Variants in BNC2 observed in about 807,000 individuals in gnomAD.
BNC2 encodes basonuclin zinc finger protein 2, also known as zinc finger protein basonuclin-2.
BNC2 carries 20 observed loss-of-function variants against 76.3 expected under a neutral mutation model. The ratio of observed to expected loss-of-function variants is 0.26; its 90% CI spans 0.18 to 0.38. The LOEUF (loss-of-function observed/expected upper bound fraction) is 0.38. Among genes scored for constraint, BNC2 ranks in the 10% least tolerant of loss-of-function variants. BNC2 has a pLI of 1.00. For synonymous variants in BNC2, 582 were observed against 514.8 expected (o/e 1.13, Z -1.77); for missense variants, 1,382 against 1,399.8 (o/e 0.99, Z 0.20).
At chr9:16,494,563 A>G (rs1822346210) in intron 5 of BNC2, among the ~76,000 whole-genome samples, 1 of 152,176 alleles carries the variant, frequency 6.6e-6, no homozygotes, top group Non-Finnish European at 1.5e-5. Context: ...AGTCATTGAG[A>G]TGAGTTCTGA....
chr9:16,751,538 G>C (rs1419740637), intron 1 of BNC2, among the ~76,000 whole-genome samples: 1 of 131,352 alleles, frequency 7.6e-6, no homozygotes, highest in Non-Finnish European at 1.6e-5. Context: ...CAAACACTGT[G>C]AAGAGTCATA....
intron 3 of BNC2, among the ~76,000 whole-genome samples, chr9:16,647,617 A>G (rs1821672670): frequency 6.6e-6 from 1 of 152,184 alleles, no homozygotes; most frequent in African/African-American, 2.4e-5. Context: ...AAGTGCAACC[A>G]TGATGAGATT....
chr9:16,479,264 GAAAAGAAAAGAAAAAGA>G (rs1354298349), intron 5 of BNC2, among the ~76,000 whole-genome samples: 2 of 108,758 alleles, frequency 1.8e-5, no homozygotes, highest in Non-Finnish European at 3.7e-5. Flanking sequence ...AAAAAAAAAA[GAAAAGAAAAGAAAAAGA>G]AAAAGAAAAG....
intron 1 of BNC2, among the ~76,000 whole-genome samples, chr9:16,770,471 T>G (rs537378538): frequency 6.6e-6 from 1 of 152,294 alleles, no homozygotes; most frequent in Admixed American, 6.5e-5. Flanking sequence ...ATTGACAGGC[T>G]TCTGAAGCCA....
At chr9:16,663,332 C>T (rs1163690285) in intron 3 of BNC2, among the ~76,000 whole-genome samples, 1 of 151,906 alleles carries the variant, frequency 6.6e-6, no homozygotes, top group East Asian at 1.9e-4. Flanking sequence ...AGGGTTTCAC[C>T]ATCTTGGGGC....
intron 5 of BNC2, among the ~76,000 whole-genome samples, chr9:16,475,388 A>C (rs929059535): frequency 3.3e-5 from 5 of 152,226 alleles, no homozygotes; most frequent in Non-Finnish European, 7.3e-5. Flanking sequence ...ATGCTGCTGC[A>C]AAGAAAAAGC....
At chr9:16,527,679 G>C (rs1009197693) in intron 5 of BNC2, among the ~76,000 whole-genome samples, 1 of 152,210 alleles carries the variant, frequency 6.6e-6, no homozygotes, top group Non-Finnish European at 1.5e-5. Flanking sequence ...CACTACCTGG[G>C]AGACAGGTTG....
intron 3 of BNC2, among the ~76,000 whole-genome samples, chr9:16,692,095 G>A (rs185658093): frequency 1.0e-3 from 159 of 152,290 alleles, no homozygotes; most frequent in African/African-American, 3.6e-3. Context: ...ACAGGCGTGA[G>A]CCACTGCACC....
intron 3 of BNC2, among the ~76,000 whole-genome samples, chr9:16,656,779 T>C (rs1370576335): frequency 6.6e-6 from 1 of 152,200 alleles, no homozygotes; most frequent in African/African-American, 2.4e-5. Context: ...AGCAGATCTC[T>C]GGGACTTATT....
Position 16,470,190 on chromosome 9 carries a change from G to T in BNC2, c.670-32666C>A, listed in dbSNP as rs1821792889. Among the ~76,000 whole-genome samples, 3 of 151,756 alleles carry T rather than the reference G, an allele frequency of 2.0e-5. No homozygotes were observed. In the South Asian group the frequency reaches 6.3e-4, roughly 32 times the overall value. ...TTTTTTATATTTTTAGTATAGATGG[G>T]GTTTCATCATGTTAGCCAGGATGGT... On this transcript the variant is annotated intron_variant, in intron 5 of 6. Transcript: ENST00000380672.
At chr9:16,459,751 G>A (rs1271750594) in intron 5 of BNC2, among the ~76,000 whole-genome samples, 2 of 152,098 alleles carry the variant, frequency 1.3e-5, no homozygotes, top group Non-Finnish European at 2.9e-5. Flanking sequence ...TCACAAGTTA[G>A]TCTAGTGGAA....
chr9:16,417,192 C>G lies in BNC2; in HGVS notation c.*1797G>C, dbSNP rs1011891472. 2 of 152,166 alleles carry G rather than the reference C, an allele frequency of 1.3e-5. No individual in the cohort carries two copies. The highest frequency in any genetic ancestry group is 4.2e-4 in the South Asian group (2 of 4,786). The allele number at this position is 152,166 out of a possible 1,614,324, so 9.4% of individuals were successfully genotyped here. A position where few individuals can be genotyped will look rare whatever the true frequency, so the allele number is the denominator to read the frequency against. ...ACAACAAAACAGTCTGCAATGCACACCCTAATGGTTTTGGCTGCAGACTGA... is the reference window on the plus strand; with the variant it reads ...ACAACAAAACAGTCTGCAATGCACAGCCTAATGGTTTTGGCTGCAGACTGA... On this transcript the variant is annotated 3_prime_UTR_variant, in exon 7 of 7. Transcript: ENST00000380672.
At chr9:16,664,628 C>G (rs1487691445) in intron 3 of BNC2, among the ~76,000 whole-genome samples, 1 of 149,958 alleles carries the variant, frequency 6.7e-6, no homozygotes, top group African/African-American at 2.5e-5. Context: ...GTAGGATGCT[C>G]ATCAATGACA....
intron 1 of BNC2, among the ~76,000 whole-genome samples, chr9:16,743,396 G>A (rs1824907133): frequency 6.6e-6 from 1 of 151,994 alleles, no homozygotes; most frequent in Non-Finnish European, 1.5e-5. Context: ...CTCTTTCCTG[G>A]TTCTACCCCT....
intron 5 of BNC2, among the ~76,000 whole-genome samples, chr9:16,525,236 A>ACACAAAACT (rs1304778818): frequency 6.6e-6 from 1 of 152,210 alleles, no homozygotes; most frequent in Non-Finnish European, 1.5e-5. Flanking sequence ...TCAAAAGGTA[A>ACACAAAACT]TAAAACCACA....
At chr9:16,684,060 A>T (rs10810589) in intron 3 of BNC2, among the ~76,000 whole-genome samples, 1 of 152,002 alleles carries the variant, frequency 6.6e-6, no homozygotes, top group Non-Finnish European at 1.5e-5. Context: ...ATTTTCTCCC[A>T]TAGTATGTCA....
chr9:16,644,229 A>G (rs553061625), intron 3 of BNC2, among the ~76,000 whole-genome samples: 38 of 152,370 alleles, frequency 2.5e-4, no homozygotes, highest in African/African-American at 9.1e-4. Flanking sequence ...AGGGGCAAGA[A>G]GAGGAAAAGA....
intron 1 of BNC2, among the ~76,000 whole-genome samples, chr9:16,753,041 C>A (rs1295245895): frequency 6.6e-6 from 1 of 152,136 alleles, no homozygotes; most frequent in Non-Finnish European, 1.5e-5. Context: ...TATAACATGA[C>A]ACTAAAGGTC....
At chr9:16,762,177 A>T (rs898376265) in intron 1 of BNC2, among the ~76,000 whole-genome samples, 6 of 152,120 alleles carry the variant, frequency 3.9e-5, no homozygotes, top group Non-Finnish European at 7.4e-5. Flanking sequence ...TTTCATGGAC[A>T]TCATCAAGTT....
Sources: gnomAD v4.1 joint callset for allele counts (sites outside exome capture counted in the v4.1 genomes callset) on GRCh38, gnomAD v4.1.1 for gene constraint, MANE v1.5 for transcripts, NCBI Gene and HGNC (gene_info 2026-07-23, HGNC 2026-07-21) for gene names.